Variants in APBB1IP observed in about 807,000 individuals in gnomAD.
APBB1IP encodes the protein amyloid beta precursor protein binding family B member 1 interacting protein, also known as amyloid beta A4 precursor protein-binding family B member 1-interacting protein.
In APBB1IP, 27 loss-of-function variants were observed where a neutral mutation model predicts 64.9. The observed-to-expected ratio is 0.42, with a 90% CI of 0.31 to 0.57. The LOEUF (loss-of-function observed/expected upper bound fraction) is 0.57. APBB1IP is among the 20% of genes least tolerant of loss of function. The pLI, the probability that APBB1IP is intolerant of heterozygous loss-of-function variation, is 0.20. For synonymous variants in APBB1IP, 392 were observed against 331.0 expected (o/e 1.18, Z -2.00); for missense variants, 812 against 845.5 (o/e 0.96, Z 0.49).
chr10:26,560,817 G>A lies in APBB1IP; in HGVS notation c.1342G>A (p.Ala448Thr). The change falls in exon 13 of 15, where the codon GCA (alanine) becomes ACA (threonine). Residue 448 changes from alanine (A) to threonine (T), a missense_variant. Physicochemically the swap from Ala to Thr is moderately conservative, Grantham distance 58 (BLOSUM62 0). This residue lies in a region of APBB1IP where 381 missense variants were observed against 352.1 expected (regional missense o/e 1.08). Transcript: ENST00000376236. ...GTGGACAAACTTGGGGACAGTCAAT[G>A]CAGCTGCACCAGCTCAGCCATCTAC... Reference protein sequence around the residue: ...SRWTNLGTVNAAAPAQPSTGP... With the variant: ...SRWTNLGTVNTAAPAQPSTGP... The A allele has an allele frequency of 6.2e-7, 1 of 1,604,012 alleles. No homozygotes were observed. The highest frequency in any genetic ancestry group is 8.5e-7 in the Non-Finnish European group (1 of 1,175,148).
intron 7 of APBB1IP, among the ~76,000 whole-genome samples, chr10:26,512,715 TC>T (rs1564365482): frequency 6.6e-6 from 1 of 152,286 alleles, no homozygotes; most frequent in East Asian, 1.9e-4. Flanking sequence ...CAAGCACTCC[TC>T]CTGCCTCTGC....
At chr10:26,504,058 C>T (rs1434483957) in intron 6 of APBB1IP, among the ~76,000 whole-genome samples, 1 of 152,172 alleles carries the variant, frequency 6.6e-6, no homozygotes, top group African/African-American at 2.4e-5. Flanking sequence ...TAGCAGGTGG[C>T]GCCACCTTTG....
chr10:26,552,955 C>A (rs893891555), intron 11 of APBB1IP, among the ~76,000 whole-genome samples: 1 of 152,146 alleles, frequency 6.6e-6, no homozygotes, highest in African/African-American at 2.4e-5. Context: ...CAAGCAGCAC[C>A]TTTGACCTCT....
At chr10:26,473,458 G>C (rs1057039569) in intron 2 of APBB1IP, among the ~76,000 whole-genome samples, 2 of 152,218 alleles carry the variant, frequency 1.3e-5, no homozygotes, top group African/African-American at 2.4e-5. Flanking sequence ...TTTCAGCGCT[G>C]TCTCATTGTG....
chr10:26,541,743 T>C, intron 11 of APBB1IP, 51 bp downstream of exon 11: 1 of 1,381,340 alleles, frequency 7.2e-7, no homozygotes, highest in Non-Finnish European at 9.9e-7. Flanking sequence ...TTGAGTTAAT[T>C]TTTTTTCAAG....
At chr10:26,494,061 C>G (rs777996318) in intron 3 of APBB1IP, among the ~76,000 whole-genome samples, 8 of 152,110 alleles carry the variant, frequency 5.3e-5, no homozygotes, top group Admixed American at 2.0e-4. Context: ...TGGATATCAT[C>G]TTTAGTAAAG....
intron 2 of APBB1IP, among the ~76,000 whole-genome samples, chr10:26,481,124 G>A (rs61838443): frequency 0.053 from 8,103 of 152,116 alleles, 310 homozygotes; most frequent in Non-Finnish European, 0.077. Flanking sequence ...TTTCCAACCC[G>A]TGGGCATCCA....
chr10:26,566,744 T>C (rs1248153235), intron 14 of APBB1IP, among the ~76,000 whole-genome samples: 1 of 151,788 alleles, frequency 6.6e-6, no homozygotes, highest in East Asian at 1.9e-4. Flanking sequence ...GGCTGTTTTG[T>C]CCACTGGGGC....
At chr10:26,562,502 T>C in intron 14 of APBB1IP, 73 bp downstream of exon 14, 1 of 1,338,540 alleles carries the variant, frequency 7.5e-7, no homozygotes, top group Non-Finnish European at 1.1e-6. Flanking sequence ...AACTGCTCTT[T>C]TAAAAAGAGA....
chr10:26,552,102 C>T (rs1836839121), intron 11 of APBB1IP, among the ~76,000 whole-genome samples: 1 of 152,284 alleles, frequency 6.6e-6, no homozygotes, highest in Non-Finnish European at 1.5e-5. Flanking sequence ...AGCTCGAGAC[C>T]AGCCTGAGCA....
At chr10:26,531,550 C>G (rs981094412) in intron 8 of APBB1IP, among the ~76,000 whole-genome samples, 1 of 151,822 alleles carries the variant, frequency 6.6e-6, no homozygotes, top group Non-Finnish European at 1.5e-5. Flanking sequence ...GCCTGTAGTC[C>G]CAGCTACTCG....
chr10:26,486,550 G>A (rs889676258), intron 2 of APBB1IP, among the ~76,000 whole-genome samples: 4 of 152,076 alleles, frequency 2.6e-5, no homozygotes, highest in Non-Finnish European at 1.5e-5. Context: ...GAAATGCCTG[G>A]GGGATGTTGA....
intron 8 of APBB1IP, among the ~76,000 whole-genome samples, chr10:26,523,432 G>C (rs1247842175): frequency 6.6e-6 from 1 of 152,180 alleles, no homozygotes; most frequent in Non-Finnish European, 1.5e-5. Flanking sequence ...GTTTCAAGTT[G>C]TCCTTTTGTT....
At chr10:26,471,675 C>G (rs898846326) in intron 2 of APBB1IP, among the ~76,000 whole-genome samples, 2 of 151,866 alleles carry the variant, frequency 1.3e-5, no homozygotes, top group African/African-American at 4.8e-5. Context: ...GGGACCTGCA[C>G]TGTTTAAGCT....
chr10:26,471,272 C>T lies in APBB1IP; in HGVS notation c.1-21055C>T, dbSNP rs185486662. 2.0e-3 allele frequency among the ~76,000 whole-genome samples: 307 copies of T among 152,220 alleles called. 1 individual carries two copies. Among genetic ancestry groups the T allele is most frequent in the African/African-American group, 6.3e-3 (260 of 41,548 alleles). On this transcript the variant is annotated intron_variant, in intron 2 of 14. Transcript: ENST00000376236. Reference sequence around the variant, plus strand: ...ATGGCCCCACATATCACAAGAGATACGTGCACAAAATAGAGACCCCCACAC... The same window carrying T: ...ATGGCCCCACATATCACAAGAGATATGTGCACAAAATAGAGACCCCCACAC...
chr10:26,508,579 G>T (rs1322670851), intron 6 of APBB1IP, among the ~76,000 whole-genome samples: 5 of 151,796 alleles, frequency 3.3e-5, no homozygotes, highest in Non-Finnish European at 7.4e-5. Flanking sequence ...AAAGTATTTA[G>T]CTTGCTAAAT....
chr10:26,494,322 G>A (rs1213126354), intron 3 of APBB1IP, among the ~76,000 whole-genome samples: 4 of 152,206 alleles, frequency 2.6e-5, no homozygotes, highest in African/African-American at 9.6e-5. Context: ...CACTAAGCCA[G>A]GTTACAGTCA....
At chr10:26,545,214 T>C (rs1264823073) in intron 11 of APBB1IP, among the ~76,000 whole-genome samples, 2 of 152,250 alleles carry the variant, frequency 1.3e-5, no homozygotes, top group African/African-American at 4.8e-5. Flanking sequence ...TCCCTTTTTG[T>C]CTGCTGTTTT....
intron 8 of APBB1IP, among the ~76,000 whole-genome samples, chr10:26,518,029 A>C (rs1250580742): frequency 6.6e-6 from 1 of 152,138 alleles, no homozygotes; most frequent in African/African-American, 2.4e-5. Flanking sequence ...ATCTAGGCTC[A>C]CTGCAACTTC....
Sources: allele counts gnomAD v4.1 joint callset (sites outside exome capture counted in the v4.1 genomes callset), GRCh38; gene constraint gnomAD v4.1.1; regional missense constraint gnomAD v4.1.1; transcripts MANE v1.5; gene names NCBI Gene and HGNC (gene_info 2026-07-23, HGNC 2026-07-21).